The following MYO16 variants were observed in gnomAD, a reference collection of about 807,000 sequenced individuals.
MYO16 encodes unconventional myosin-XVI.
In MYO16, 94 loss-of-function variants were observed where a neutral mutation model predicts 205.3. That is an observed-to-expected ratio of 0.46 (90% CI 0.39 to 0.54). The LOEUF (loss-of-function observed/expected upper bound fraction) is 0.54, where lower values mean the gene tolerates loss of function less well. Among genes scored for constraint, MYO16 ranks in the 20% least tolerant of loss-of-function variants. The pLI is 0.00. For synonymous variants in MYO16, 988 were observed against 954.0 expected (o/e 1.04, Z -0.66); for missense variants, 2,315 against 2,387.5 (o/e 0.97, Z 0.63).
intron 16 of MYO16, among the ~76,000 whole-genome samples, chr13:108,929,919 T>A (rs1882179696): frequency 6.6e-6 from 1 of 152,218 alleles, no homozygotes; most frequent in Non-Finnish European, 1.5e-5. Flanking sequence ...TGTGGCACTT[T>A]AAAATAGTTT....
At chr13:108,508,942 G>A in the MYO16 span, among the ~76,000 whole-genome samples, 59,304 of 151,968 alleles carry the variant, frequency 0.39, 11,742 homozygotes, top group East Asian at 0.55. Flanking sequence ...TTAACCAGAT[G>A]TTCTGCAAAC....
chr13:108,882,199 C>T (rs1879648813), intron 12 of MYO16, among the ~76,000 whole-genome samples: 1 of 152,180 alleles, frequency 6.6e-6, no homozygotes, highest in Non-Finnish European at 1.5e-5. Flanking sequence ...GTGTAACCTC[C>T]CTACAGTCAT....
intron 27 of MYO16, among the ~76,000 whole-genome samples, chr13:109,074,756 G>A (rs898511104): frequency 7.2e-5 from 11 of 151,944 alleles, no homozygotes; most frequent in African/African-American, 2.7e-4. Flanking sequence ...TGGGGGAACT[G>A]CTACACTTAC....
At chr13:108,978,175 T>A (rs1884334233) in intron 20 of MYO16, among the ~76,000 whole-genome samples, 1 of 152,092 alleles carries the variant, frequency 6.6e-6, no homozygotes. Flanking sequence ...TGACTTTTCT[T>A]ATTAGTTCTA....
chr13:108,775,283 A>C (rs1292292046), intron 4 of MYO16, among the ~76,000 whole-genome samples: 5 of 152,234 alleles, frequency 3.3e-5, no homozygotes. Flanking sequence ...TATATACTGG[A>C]GTCTTTCTTC....
chr13:109,096,460 A>G (rs1172241440), intron 27 of MYO16, among the ~76,000 whole-genome samples: 1 of 151,894 alleles, frequency 6.6e-6, no homozygotes, highest in African/African-American at 2.4e-5. Context: ...TGGCGGGGGG[A>G]CACAGTTCAG....
chr13:109,044,301 T>C (rs904024815), intron 23 of MYO16, among the ~76,000 whole-genome samples: 2 of 152,136 alleles, frequency 1.3e-5, no homozygotes, highest in African/African-American at 4.8e-5. Flanking sequence ...GAAAAGCATG[T>C]TTAGAAAGTG....
chr13:109,107,873 T>A (rs1566509687), intron 28 of MYO16, among the ~76,000 whole-genome samples: 1 of 144,228 alleles, frequency 6.9e-6, no homozygotes, highest in African/African-American at 2.5e-5. Flanking sequence ...GTGTATTTCC[T>A]TTCTTCTTTT....
intron 21 of MYO16, among the ~76,000 whole-genome samples, chr13:109,004,967 T>C (rs1383205077): frequency 6.6e-6 from 1 of 152,150 alleles, no homozygotes; most frequent in Non-Finnish European, 1.5e-5. Context: ...GCAGTGTGAG[T>C]TTACCTAAGA....
intron 12 of MYO16, among the ~76,000 whole-genome samples, chr13:108,881,124 A>G (rs1879594009): frequency 6.6e-6 from 1 of 152,218 alleles, no homozygotes. Context: ...AACATTTGCC[A>G]TTCTGTAATA....
chr13:109,105,751 C>A (rs1313407154), intron 28 of MYO16, among the ~76,000 whole-genome samples: 1 of 152,188 alleles, frequency 6.6e-6, no homozygotes, highest in Non-Finnish European at 1.5e-5. Context: ...TATATAATTT[C>A]TGTTGTGTCT....
intron 13 of MYO16, among the ~76,000 whole-genome samples, chr13:108,887,986 G>A (rs1263606964): frequency 6.6e-6 from 1 of 152,100 alleles, no homozygotes; most frequent in Middle Eastern, 3.2e-3. Flanking sequence ...GACTTGCTAA[G>A]CTGAGTCAAG....
the MYO16 span, among the ~76,000 whole-genome samples, chr13:108,535,831 A>G: frequency 6.6e-6 from 1 of 152,220 alleles, no homozygotes; most frequent in Non-Finnish European, 1.5e-5. Flanking sequence ...CTTCCAAAAT[A>G]CTAAGTACTT....
chr13:109,101,775 A>T (rs1888975183), intron 28 of MYO16: 1 of 152,254 alleles, frequency 6.6e-6, no homozygotes, highest in South Asian at 2.1e-4. Flanking sequence ...TGATAAAAAT[A>T]TGACGATTAC....
At chr13:108,787,175 G>T (rs899874093) in intron 5 of MYO16, among the ~76,000 whole-genome samples, 11 of 152,180 alleles carry the variant, frequency 7.2e-5, no homozygotes, top group African/African-American at 2.7e-4. Flanking sequence ...AGTAAATAAA[G>T]AGTGTGGGAG....
intron 20 of MYO16, among the ~76,000 whole-genome samples, chr13:108,987,037 G>A (rs115271846): frequency 0.012 from 1,881 of 152,214 alleles, 42 homozygotes; most frequent in African/African-American, 0.043. Flanking sequence ...CTTTGTGCAC[G>A]GGACTCCAGT....
At chr13:108,690,466 C>G (rs1471782876) in intron 2 of MYO16, among the ~76,000 whole-genome samples, 3 of 76,346 alleles carry the variant, frequency 3.9e-5, no homozygotes, top group Admixed American at 1.7e-4. Flanking sequence ...ACAACATTTT[C>G]TGTCATGCTA....
At chr13:108,990,913 A>G (rs1884807337) in intron 20 of MYO16, among the ~76,000 whole-genome samples, 1 of 152,214 alleles carries the variant, frequency 6.6e-6, no homozygotes, top group Non-Finnish European at 1.5e-5. Context: ...ATACAGTGCA[A>G]AGACTGAGGT....
At chr13:108,754,461 A>G (rs1396148312) in intron 4 of MYO16, among the ~76,000 whole-genome samples, 2 of 152,174 alleles carry the variant, frequency 1.3e-5, no homozygotes, top group Non-Finnish European at 2.9e-5. Flanking sequence ...AACTATATTG[A>G]CATACTGAAC....
Sources: allele counts gnomAD v4.1 joint callset (sites outside exome capture counted in the v4.1 genomes callset), GRCh38; gene constraint gnomAD v4.1.1; transcripts MANE v1.5; gene names NCBI Gene and HGNC (gene_info 2026-07-23, HGNC 2026-07-21).